The following GCNT2 variants were observed in gnomAD, a reference collection of about 807,000 sequenced individuals.
GCNT2 encodes the protein N-acetyllactosaminide beta-1,6-N-acetylglucosaminyl-transferase.
In GCNT2, 34 loss-of-function variants were observed where a neutral mutation model predicts 34.2. The observed-to-expected ratio is 1.00, with a 90% CI of 0.76 to 1.32. The LOEUF is 1.32. GCNT2 is among the 40% of genes most tolerant of loss of function. GCNT2 has a pLI of 0.00. For synonymous variants in GCNT2, 212 were observed against 188.0 expected, an observed-to-expected ratio of 1.13 and a Z score of -1.04; for missense variants, 584 against 489.4, an observed-to-expected ratio of 1.19 and a Z score of -1.82.
intron 3 of GCNT2, among the ~76,000 whole-genome samples, chr6:10,588,786 TG>T (rs1293882007): frequency 6.5e-5 from 2 of 30,920 alleles, no homozygotes; most frequent in Non-Finnish European, 1.5e-4. Context: ...GTGTGTGTGA[TG>T]TGTGTGTGTG....
chr6:10,580,935 G>C (rs555951300), intron 3 of GCNT2, among the ~76,000 whole-genome samples: 1 of 152,304 alleles, frequency 6.6e-6, no homozygotes, highest in African/African-American at 2.4e-5. Context: ...GACCGTAAAA[G>C]TTATCCTGGG....
intron 3 of GCNT2, among the ~76,000 whole-genome samples, chr6:10,609,907 G>T (rs57952766): frequency 0.43 from 64,882 of 151,702 alleles, 15,921 homozygotes; most frequent in East Asian, 0.64. Flanking sequence ...TTGTTGGAGG[G>T]TGAGTGGTGG....
chr6:10,573,721 A>G (rs1363534849), intron 3 of GCNT2, among the ~76,000 whole-genome samples: 1 of 152,196 alleles, frequency 6.6e-6, no homozygotes, highest in Non-Finnish European at 1.5e-5. Context: ...TATTGACCCC[A>G]TCGTTAGCTT....
intron 3 of GCNT2, among the ~76,000 whole-genome samples, chr6:10,548,784 G>A (rs572008409): frequency 6.7e-5 from 10 of 150,096 alleles, no homozygotes; most frequent in East Asian, 3.9e-4. Context: ...TTTTTGAGAC[G>A]AAGTCTCGCT....
chr6:10,554,836 G>T (rs1233191088), intron 3 of GCNT2, among the ~76,000 whole-genome samples: 3 of 152,106 alleles, frequency 2.0e-5, no homozygotes, highest in Non-Finnish European at 4.4e-5. Context: ...GTTTATTTAG[G>T]AGACTTTGGT....
intron 3 of GCNT2, among the ~76,000 whole-genome samples, chr6:10,613,078 T>C (rs1361850658): frequency 6.6e-6 from 1 of 152,220 alleles, no homozygotes; most frequent in Non-Finnish European, 1.5e-5. Context: ...TTAAAAAGTA[T>C]ATATGTGAGC....
intron 3 of GCNT2, among the ~76,000 whole-genome samples, chr6:10,584,199 G>A (rs752944844): frequency 6.6e-6 from 1 of 152,092 alleles, no homozygotes; most frequent in Non-Finnish European, 1.5e-5. Flanking sequence ...AGGGTCAGCA[G>A]AAAAACATGT....
intron 3 of GCNT2, chr6:10,556,775 C>G (rs1334022930): frequency 7.4e-6 from 12 of 1,613,876 alleles, no homozygotes; most frequent in Non-Finnish European, 1.0e-5. Flanking sequence ...TATTTACATG[C>G]CCCAAAATAT....
chr6:10,523,782 C>T (rs1401166297), intron 1 of GCNT2, among the ~76,000 whole-genome samples: 1 of 151,988 alleles, frequency 6.6e-6, no homozygotes, highest in Non-Finnish European at 1.5e-5. Flanking sequence ...ACCATCCTGG[C>T]TAACACGGTG....
At chr6:10,546,765 T>G (rs556060794) in intron 3 of GCNT2, among the ~76,000 whole-genome samples, 20 of 152,332 alleles carry the variant, frequency 1.3e-4, no homozygotes, top group Admixed American at 1.2e-3. Context: ...AAGCTGATTT[T>G]TATGAAAGCA....
intron 3 of GCNT2, among the ~76,000 whole-genome samples, chr6:10,539,394 GGTC>G (rs1761936094): frequency 6.6e-6 from 1 of 151,688 alleles, no homozygotes; most frequent in Non-Finnish European, 1.5e-5. Flanking sequence ...TCTCCATGTT[GGTC>G]AGGCTGGTCT....
In GCNT2 at chr6:10,552,440, G is replaced by A. The variant is rs147068679; in HGVS notation, c.925+22604G>A. ...CCCCAGATCCTGAATCCTTGGATTC[G>A]ACCTTGGGCGGGGGAAAAAGAGTGG... On this transcript the variant is annotated intron_variant, in intron 3 of 4. Transcript: ENST00000495262. 3.2e-3 allele frequency among the ~76,000 whole-genome samples: 487 copies of A among 151,456 alleles called. 3 individuals are homozygous for A. Among genetic ancestry groups the A allele is most frequent in the African/African-American group, 0.011 (462 of 41,258 alleles).
intron 3 of GCNT2, among the ~76,000 whole-genome samples, chr6:10,564,198 T>G (rs1319047758): frequency 2.6e-5 from 4 of 152,092 alleles, no homozygotes; most frequent in African/African-American, 9.7e-5. Context: ...TCCCATCCAG[T>G]GGGTACTTAA....
At chr6:10,563,777 A>AATATAT (rs70991026) in intron 3 of GCNT2, among the ~76,000 whole-genome samples, 226 of 24,704 alleles carry the variant, frequency 9.1e-3, no homozygotes, top group South Asian at 0.014. Context: ...AAAAAAAAAA[A>AATATAT]ATATATATAT....
At chr6:10,522,345 T>C (rs537393943) in intron 1 of GCNT2, among the ~76,000 whole-genome samples, 1 of 152,340 alleles carries the variant, frequency 6.6e-6, no homozygotes, top group Non-Finnish European at 1.5e-5. Flanking sequence ...TCTTCTGATA[T>C]TAAAGACAGG....
chr6:10,577,149 CT>C (rs56079724), intron 3 of GCNT2, among the ~76,000 whole-genome samples: 5 of 152,332 alleles, frequency 3.3e-5, no homozygotes, highest in African/African-American at 1.2e-4. Flanking sequence ...GCGTGTGTGA[CT>C]TTGGCCTAGC....
Position 10,621,419 on chromosome 6 carries a change from G to A in GCNT2, c.994G>A (p.Glu332Lys), listed in dbSNP as rs201667728. Residue 332 changes from glutamate (E) to lysine (K), a missense_variant, in exon 4 of 5, where the codon GAA becomes AAA. By Grantham distance (56) the Glu-to-Lys change is moderately conservative (BLOSUM62 1). Coordinates refer to ENST00000495262, the MANE Select transcript of GCNT2 (RefSeq NM_145649.5). The part of the protein sequence containing the change: ...NLRAIKWSDM[E>K]DRHGGCHGHY... ...CAGAGCTATAAAGTGGAGTGACATGGAAGACAGACACGGAGGCTGCCACGG... is the reference window on the plus strand; with the variant it reads ...CAGAGCTATAAAGTGGAGTGACATGAAAGACAGACACGGAGGCTGCCACGG... The A allele has an allele frequency of 6.2e-7, 1 of 1,613,138 alleles. No individual in the cohort carries two copies. Among genetic ancestry groups the A allele is most frequent in the Non-Finnish European group, 8.5e-7 (1 of 1,179,152 alleles).
chr6:10,609,842 G>A (rs1173679729), intron 3 of GCNT2, among the ~76,000 whole-genome samples: 1 of 152,222 alleles, frequency 6.6e-6, no homozygotes, highest in Non-Finnish European at 1.5e-5. Context: ...TCTGGTAAGG[G>A]TGGTAAGAGG....
At chr6:10,552,046 A>G (rs1762508634) in intron 3 of GCNT2, among the ~76,000 whole-genome samples, 1 of 152,228 alleles carries the variant, frequency 6.6e-6, no homozygotes, top group Non-Finnish European at 1.5e-5. Context: ...GGTGTGAGCT[A>G]CTGCACCTGG....
Sources: gnomAD v4.1 joint callset for allele counts (sites outside exome capture counted in the v4.1 genomes callset) on GRCh38, gnomAD v4.1.1 for gene constraint, MANE v1.5 for transcripts, NCBI Gene and HGNC (gene_info 2026-07-23, HGNC 2026-07-21) for gene names.